The following TM7SF3 variants were observed in gnomAD, a reference collection of about 807,000 sequenced individuals.
TM7SF3 encodes seven span transmembrane protein.
Under a neutral mutation model 65.5 loss-of-function variants are expected in TM7SF3, and 60 were observed. That is an observed-to-expected ratio of 0.92 (90% confidence interval 0.74 to 1.14). The LOEUF (loss-of-function observed/expected upper bound fraction) is 1.14. Among genes scored for constraint, TM7SF3 ranks in the 50% most tolerant of loss-of-function variants. The pLI, the probability that TM7SF3 is intolerant of heterozygous loss-of-function variation, is 0.00. For missense variants in TM7SF3, 623 were observed against 684.8 expected (o/e 0.91, Z 1.01); for synonymous variants, 264 against 259.6 (o/e 1.02, Z -0.16).
intron 6 of TM7SF3, among the ~76,000 whole-genome samples, chr12:26,986,078 T>C (rs1283207730): frequency 2.0e-5 from 3 of 151,896 alleles, no homozygotes; most frequent in Non-Finnish European, 2.9e-5. Flanking sequence ...TCCGCCCGCC[T>C]TGGCCTCCCA....
intron 2 of TM7SF3, among the ~76,000 whole-genome samples, chr12:27,000,822 A>G (rs1170857686): frequency 6.6e-6 from 1 of 152,114 alleles, no homozygotes; most frequent in Non-Finnish European, 1.5e-5. Context: ...CAATCAAAAT[A>G]GCAAATGTAT....
In TM7SF3 at chr12:27,004,252, C is replaced by T. The variant is rs372628276; in HGVS notation, c.92-862G>A. Among the ~76,000 whole-genome samples, 8 of 152,088 alleles carry T rather than the reference C, an allele frequency of 5.3e-5. No individual in the cohort carries two copies. In the South Asian group the frequency reaches 1.2e-3, roughly 24 times the overall value. On this transcript the variant is annotated intron_variant, in intron 1 of 11. Coordinates refer to ENST00000343028, the MANE Select transcript of TM7SF3 (RefSeq NM_016551.3). ...TAATCCTTTAATTAGGTTGCTTTTA[C>T]TCCTGTGCGGTCCTGGATTCCTACC...
Position 26,984,206 on chromosome 12 carries a change from G to T in TM7SF3, c.869-1347C>A, listed in dbSNP as rs140401117. Among the ~76,000 whole-genome samples, 1,066 of 152,256 alleles carry T rather than the reference G, an allele frequency of 7.0e-3. 15 individuals carry two copies. Among genetic ancestry groups the T allele is most frequent in the African/African-American group, 0.025 (1,030 of 41,550 alleles). Reference sequence around the variant, plus strand: ...GCACTTTGGGAGGCCGAGGTGGGCGGATCACTTGAGGTCAGGAGTTTGAGA... The same window carrying T: ...GCACTTTGGGAGGCCGAGGTGGGCGTATCACTTGAGGTCAGGAGTTTGAGA... On this transcript the variant is annotated intron_variant, in intron 6 of 11. Coordinates refer to ENST00000343028, the MANE Select transcript of TM7SF3 (RefSeq NM_016551.3).
chr12:26,972,632 A>G lies in TM7SF3; in HGVS notation c.*1333T>C, dbSNP rs896195746. On this transcript the variant is annotated 3_prime_UTR_variant, in exon 12 of 12. Transcript: ENST00000343028. ...GGTGTAGTAGTATATATTCTACTAT[A>G]CTATAGTAGAGACCACTATGTTGGC... The G allele has an allele frequency of 6.6e-6, 1 of 151,966 alleles. No homozygotes were observed. The highest frequency in any genetic ancestry group is 2.4e-5 in the African/African-American group (1 of 41,356). The allele number at this position is 151,966 out of a possible 1,614,324, so 9.4% of individuals were successfully genotyped here.
At chr12:26,992,484 C>A (rs1163456914) in intron 5 of TM7SF3, among the ~76,000 whole-genome samples, 1 of 152,184 alleles carries the variant, frequency 6.6e-6, no homozygotes, top group Non-Finnish European at 1.5e-5. Flanking sequence ...CAGGGTTTCA[C>A]CCTGTTAGCC....
chr12:26,995,181 C>T (rs569297201), intron 5 of TM7SF3, 56 bp downstream of exon 5: 20 of 1,552,266 alleles, frequency 1.3e-5, no homozygotes, highest in Middle Eastern at 2.0e-4. Context: ...CTCCCCTTCT[C>T]AACTCTGACA....
At position 26,974,036 on chromosome 12, in the gene TM7SF3, G is replaced by T; in HGVS notation, c.1642C>A (p.Arg548=). The T allele has an allele frequency of 6.2e-7, 1 of 1,614,102 alleles. No homozygotes were observed. The highest frequency in any genetic ancestry group is 1.7e-4 in the Middle Eastern group (1 of 6,060). The change falls in exon 12 of 12, where the codon CGA becomes AGA. Residue 548 remains arginine, a synonymous_variant. Coordinates refer to ENST00000343028, the MANE Select transcript of TM7SF3 (RefSeq NM_016551.3). ...AAGAGCCCTTTAATCTGGGTTAATC[G>T]GCCATAGAGCCTCTCTCTCAATGGA... is the stretch of plus-strand genomic sequence containing the variant. The part of the protein sequence containing the change: ...IPPLRERLYG[R]LTQIKGLFQK...
At chr12:26,988,672 T>TTTTGTGTGTG (rs1032405985) in intron 6 of TM7SF3, among the ~76,000 whole-genome samples, 42 of 146,324 alleles carry the variant, frequency 2.9e-4, no homozygotes, top group African/African-American at 9.6e-4. Context: ...GAGAAGAAAA[T>TTTTGTGTGTG]TGTGTGTGTG....
At chr12:26,990,705 A>C in intron 5 of TM7SF3, 78 bp from the exon 6 acceptor site, 1 of 1,053,788 alleles carries the variant, frequency 9.5e-7, no homozygotes, top group Non-Finnish European at 1.4e-6. Flanking sequence ...CCTACGTGTA[A>C]TATTAAATGG....
At chr12:26,985,301 AGCCTG>A (rs1424216675) in intron 6 of TM7SF3, among the ~76,000 whole-genome samples, 2 of 152,126 alleles carry the variant, frequency 1.3e-5, no homozygotes, top group Non-Finnish European at 2.9e-5. Flanking sequence ...GTTCAAGACC[AGCCTG>A]GCCAATATGG....
intron 5 of TM7SF3, among the ~76,000 whole-genome samples, chr12:26,992,609 G>A (rs1940419834): frequency 6.6e-6 from 1 of 152,168 alleles, no homozygotes; most frequent in Non-Finnish European, 1.5e-5. Flanking sequence ...ATAATAAAGT[G>A]TTTAATTGCT....
intron 1 of TM7SF3, among the ~76,000 whole-genome samples, chr12:27,010,148 T>G (rs1397789203): frequency 1.3e-5 from 2 of 152,248 alleles, no homozygotes; most frequent in African/African-American, 4.8e-5. Context: ...TTGAGGTAAC[T>G]GTGCTGCCAT....
Position 26,999,665 on chromosome 12 carries a change from G to A in TM7SF3, c.258C>T (p.Ser86=), listed in dbSNP as rs1940751821. 2 of 1,614,042 alleles carry A rather than the reference G, an allele frequency of 1.2e-6. No homozygotes were observed. The highest frequency in any genetic ancestry group is 1.7e-6 in the Non-Finnish European group (2 of 1,180,008). Reference sequence around the variant, plus strand: ...TGGCAGTGCCTGTTTCCGAGGAATTGGAAAGGAGAGTCTGCAGTCCAGAAG... The same window carrying A: ...TGGCAGTGCCTGTTTCCGAGGAATTAGAAAGGAGAGTCTGCAGTCCAGAAG... The part of the protein sequence containing the change: ...TTVSFSPTLL[S]NSSETGTASG... Residue 86 remains serine (S), a synonymous_variant, in exon 3 of 12, where the codon TCC becomes TCT. Coordinates refer to ENST00000343028, the MANE Select transcript of TM7SF3 (RefSeq NM_016551.3).
intron 7 of TM7SF3, 71 bp from the exon 8 acceptor site, chr12:26,980,717 G>C (rs1016268496): frequency 1.4e-6 from 1 of 726,538 alleles, no homozygotes; most frequent in African/African-American, 1.8e-5. Flanking sequence ...CCTTTTTACA[G>C]TGCAATTTAA....
In TM7SF3 at chr12:27,006,326, A is replaced by G. The variant is rs1941035807; in HGVS notation, c.92-2936T>C. 2.0e-5 allele frequency among the ~76,000 whole-genome samples: 3 copies of G among 151,122 alleles called. No individual in the cohort carries two copies. In the South Asian group the frequency reaches 6.3e-4, roughly 32 times the overall value. On this transcript the variant is annotated intron_variant, in intron 1 of 11. Coordinates refer to ENST00000343028, the MANE Select transcript of TM7SF3 (RefSeq NM_016551.3). ...CTAATTTTTTGTATTTTTAGTAGGG[A>G]CTGGGTTTCACTATGTTGGCCAGGC...
intron 6 of TM7SF3, among the ~76,000 whole-genome samples, chr12:26,985,272 G>A (rs2136394738): frequency 6.6e-6 from 1 of 152,190 alleles, no homozygotes; most frequent in Admixed American, 6.5e-5. Context: ...TGAGGCGGGT[G>A]GATCACTTGA....
intron 6 of TM7SF3, among the ~76,000 whole-genome samples, chr12:26,986,730 G>A (rs1445831639): frequency 6.6e-6 from 1 of 151,996 alleles, no homozygotes; most frequent in African/African-American, 2.4e-5. Context: ...CAGTTTCTGT[G>A]CTCCCAGCTC....
Position 26,985,998 on chromosome 12 carries a change from GTT to G in TM7SF3, c.869-3141_869-3140del, listed in dbSNP as rs55959497. 2.8e-3 allele frequency among the ~76,000 whole-genome samples: 401 copies of G among 142,658 alleles called. 5 individuals are homozygous for G. Among genetic ancestry groups the G allele is most frequent in the African/African-American group, 9.1e-3 (355 of 38,994 alleles). 93.6% of individuals were successfully genotyped at this position (142,658 alleles called of 152,430 possible). Reference sequence around the variant, plus strand: ...CCATGCCCGGCTAATGTTTTGTATTGTTTTTTTTTTTAGTAGAGACGGGGTTT... The same window carrying G: ...CCATGCCCGGCTAATGTTTTGTATTGTTTTTTTTTAGTAGAGACGGGGTTT... On this transcript the variant is annotated intron_variant, in intron 6 of 11. Transcript: ENST00000343028.
At chr12:26,981,468 C>T (rs975542692) in intron 7 of TM7SF3, among the ~76,000 whole-genome samples, 3 of 151,742 alleles carry the variant, frequency 2.0e-5, no homozygotes, top group Non-Finnish European at 4.4e-5. Flanking sequence ...ACAGCCACTA[C>T]ACTGCACTCC....
Sources: gnomAD v4.1 joint callset for allele counts (sites outside exome capture counted in the v4.1 genomes callset) on GRCh38, gnomAD v4.1.1 for gene constraint, MANE v1.5 for transcripts, NCBI Gene and HGNC (gene_info 2026-07-23, HGNC 2026-07-21) for gene names.